The following ZMAT4 variants were observed in gnomAD, a reference collection of about 807,000 sequenced individuals.
ZMAT4 encodes the protein zinc finger matrin-type 4.
A neutral mutation model predicts 28.7 loss-of-function variants in ZMAT4; 17 were observed. The observed-to-expected ratio is 0.59, with a 90% CI of 0.41 to 0.89. The LOEUF is 0.89. Among genes scored for constraint, ZMAT4 ranks in the 40% least tolerant of loss-of-function variants. The probability of loss-of-function intolerance (pLI) is 0.00; values close to 1 mark genes in which losing one functional copy is unlikely to be tolerated. For missense variants in ZMAT4, 240 were observed against 283.8 expected, an observed-to-expected ratio of 0.85 and a Z score of 1.11; for synonymous variants, 117 against 109.2, an observed-to-expected ratio of 1.07 and a Z score of -0.44.
intron 3 of ZMAT4, among the ~76,000 whole-genome samples, chr8:40,743,894 C>G (rs1016306765): frequency 6.6e-6 from 1 of 152,072 alleles, no homozygotes; most frequent in African/African-American, 2.4e-5. Flanking sequence ...GGTACAGGTG[C>G]TGTTTGAGCA....
intron 2 of ZMAT4, among the ~76,000 whole-genome samples, chr8:40,771,493 A>T (rs1350441996): frequency 6.6e-6 from 1 of 152,166 alleles, no homozygotes; most frequent in Non-Finnish European, 1.5e-5. Context: ...CTTTTTACCC[A>T]CAATTATTGT....
At chr8:40,723,102 A>G (rs538151082) in intron 3 of ZMAT4, among the ~76,000 whole-genome samples, 1 of 152,340 alleles carries the variant, frequency 6.6e-6, no homozygotes. Flanking sequence ...GTGAGAAACT[A>G]ACCAGTGCTT....
intron 5 of ZMAT4, among the ~76,000 whole-genome samples, chr8:40,658,458 G>A (rs1012488934): frequency 3.3e-5 from 5 of 151,946 alleles, no homozygotes; most frequent in Admixed American, 6.6e-5. Context: ...GTGTGGTAGC[G>A]GTGGTGTGGG....
intron 5 of ZMAT4, among the ~76,000 whole-genome samples, chr8:40,647,225 G>C (rs1054662059): frequency 2.6e-5 from 4 of 152,176 alleles, no homozygotes; most frequent in Non-Finnish European, 4.4e-5. Flanking sequence ...CGCCCACCGT[G>C]CGTGAGCTGA....
At chr8:40,712,678 C>G (rs1168979208) in intron 3 of ZMAT4, among the ~76,000 whole-genome samples, 1 of 152,134 alleles carries the variant, frequency 6.6e-6, no homozygotes, top group East Asian at 1.9e-4. Flanking sequence ...AGCGCCATAT[C>G]CTGAAATCAT....
intron 5 of ZMAT4, among the ~76,000 whole-genome samples, chr8:40,668,039 A>G (rs1808503051): frequency 6.6e-6 from 1 of 152,182 alleles, no homozygotes; most frequent in African/African-American, 2.4e-5. Flanking sequence ...AATTCATTGT[A>G]TGACAACTTA....
At chr8:40,653,611 A>G (rs980096536) in intron 5 of ZMAT4, among the ~76,000 whole-genome samples, 1 of 152,146 alleles carries the variant, frequency 6.6e-6, no homozygotes, top group African/African-American at 2.4e-5. Context: ...AGAAATAGAA[A>G]GGATTGTTAG....
chr8:40,713,748 A>G (rs1810725035), intron 3 of ZMAT4, among the ~76,000 whole-genome samples: 1 of 151,910 alleles, frequency 6.6e-6, no homozygotes, highest in East Asian at 1.9e-4. Context: ...GCGTCTACTA[A>G]AAACACAAAA....
intron 1 of ZMAT4, among the ~76,000 whole-genome samples, chr8:40,894,185 G>A (rs9969525): frequency 0.15 from 23,211 of 152,180 alleles, 1,979 homozygotes; most frequent in African/African-American, 0.2. Flanking sequence ...GACTCTCCAG[G>A]TGTCAGACAG....
chr8:40,878,583 A>C (rs1319275071), intron 1 of ZMAT4, among the ~76,000 whole-genome samples: 1 of 152,250 alleles, frequency 6.6e-6, no homozygotes, highest in Non-Finnish European at 1.5e-5. Flanking sequence ...TCTAGCACAT[A>C]GCCCAAGACC....
intron 6 of ZMAT4, among the ~76,000 whole-genome samples, chr8:40,535,353 T>C (rs1182917676): frequency 1.3e-5 from 2 of 152,114 alleles, no homozygotes; most frequent in African/African-American, 2.4e-5. Flanking sequence ...AATCTTAAGA[T>C]AGACTAGTAA....
At chr8:40,660,796 G>C (rs1808155203) in intron 5 of ZMAT4, among the ~76,000 whole-genome samples, 1 of 152,172 alleles carries the variant, frequency 6.6e-6, no homozygotes, top group Admixed American at 6.5e-5. Flanking sequence ...GCAAATTGTA[G>C]AGTACTGAAT....
chr8:40,604,247 T>G (rs1343719175), intron 5 of ZMAT4, among the ~76,000 whole-genome samples: 5 of 152,208 alleles, frequency 3.3e-5, no homozygotes, highest in African/African-American at 1.2e-4. Context: ...CTAGGACTTC[T>G]AGTACTATGT....
chr8:40,669,020 A>G (rs564129256), intron 5 of ZMAT4, among the ~76,000 whole-genome samples: 19 of 152,220 alleles, frequency 1.2e-4, no homozygotes, highest in African/African-American at 3.9e-4. Context: ...CAGGAACTTT[A>G]AGGCTCATTA....
chr8:40,833,209 G>T (rs1298413186), intron 1 of ZMAT4, among the ~76,000 whole-genome samples: 9 of 149,372 alleles, frequency 6.0e-5, no homozygotes, highest in Non-Finnish European at 8.9e-5. Context: ...ATGCAGTGCT[G>T]GTTGCCGTGG....
At chr8:40,812,833 G>A (rs1815375775) in intron 2 of ZMAT4, among the ~76,000 whole-genome samples, 1 of 152,066 alleles carries the variant, frequency 6.6e-6, no homozygotes, top group Non-Finnish European at 1.5e-5. Context: ...TCAGGAGGCT[G>A]AGGCAGGAGA....
chr8:40,856,456 G>T (rs892213798), intron 1 of ZMAT4, among the ~76,000 whole-genome samples: 2 of 152,184 alleles, frequency 1.3e-5, no homozygotes, highest in African/African-American at 4.8e-5. Context: ...GTACCACTTG[G>T]CAGGAGTACA....
chr8:40,640,727 G>A (rs189015527), intron 5 of ZMAT4, among the ~76,000 whole-genome samples: 14 of 152,102 alleles, frequency 9.2e-5, no homozygotes, highest in Middle Eastern at 3.4e-3. Flanking sequence ...TTGGGAGGTC[G>A]AGGTGGTGGA....
At chr8:40,574,027 A>G (rs2118518130) in intron 6 of ZMAT4, among the ~76,000 whole-genome samples, 1 of 152,338 alleles carries the variant, frequency 6.6e-6, no homozygotes. Context: ...TGGCACCTGA[A>G]TACTTATGTT....
Sources: allele counts gnomAD v4.1 joint callset (sites outside exome capture counted in the v4.1 genomes callset), GRCh38; gene constraint gnomAD v4.1.1; transcripts MANE v1.5; gene names NCBI Gene and HGNC (gene_info 2026-07-23, HGNC 2026-07-21).